The following MPDZ variants were observed in gnomAD, a reference collection of about 807,000 sequenced individuals.
MPDZ encodes multiple PDZ domain crumbs cell polarity complex component.
Under a neutral mutation model 239.1 loss-of-function variants are expected in MPDZ, and 234 were observed. The observed-to-expected ratio is 0.98, with a 90% CI of 0.88 to 1.09. MPDZ has a LOEUF of 1.09. Among genes scored for constraint, MPDZ ranks in the 50% least tolerant of loss-of-function variants. MPDZ has a pLI of 0.00. For missense variants in MPDZ, 3,175 were observed against 2,510.0 expected (o/e 1.26, Z -5.66); for synonymous variants, 1,048 against 881.3 (o/e 1.19, Z -3.35).
Position 13,106,853 on chromosome 9 carries a change from T to C in MPDZ, c.*112A>G, listed in dbSNP as rs1941536653. 8.4e-7 allele frequency: 1 copy of C among 1,193,394 alleles called. No homozygotes were observed. The allele number at this position is 1,193,394 out of a possible 1,614,324, so 73.9% of individuals were successfully genotyped here. Reference sequence around the variant, plus strand: ...AGAAACTTAAGTGTTATTTCCCCCCTACAGTTTTGAAGACCCGGCTGAACA... The same window carrying C: ...AGAAACTTAAGTGTTATTTCCCCCCCACAGTTTTGAAGACCCGGCTGAACA... On this transcript the variant is annotated 3_prime_UTR_variant, in exon 47 of 47. Transcript: ENST00000319217.
chr9:13,124,297 G>C (rs957304497), intron 35 of MPDZ, among the ~76,000 whole-genome samples: 30 of 152,140 alleles, frequency 2.0e-4, no homozygotes, highest in African/African-American at 6.8e-4. Context: ...TAACACTTCA[G>C]TGAATTATCC....
At chr9:13,144,497 C>T (rs1035869312) in intron 26 of MPDZ, among the ~76,000 whole-genome samples, 2 of 151,852 alleles carry the variant, frequency 1.3e-5, no homozygotes, top group African/African-American at 2.4e-5. Context: ...TTGACTATAT[C>T]TTTCAGGGGA....
rs749148531 is a variant in MPDZ, at chr9:13,162,692, T to C, written c.3358A>G (p.Arg1120Gly). Residue 1120 changes from arginine to glycine, a missense_variant and splice_region_variant, in exon 23 of 47, where the codon AGA (arginine) becomes GGA (glycine). Transcript: ENST00000319217. ...TATTAGATTTAATGTTTCACTTACC[T>C]GCCAGTGTATGAAGAAAAAATATCC... ...ALDIFSSYTG[R>G]DIPELPEREE... 2 of 1,596,912 alleles carry C rather than the reference T, an allele frequency of 1.3e-6. No individual in the cohort carries two copies. The highest frequency in any genetic ancestry group is 1.7e-6 in the Non-Finnish European group (2 of 1,166,514).
At chr9:13,197,657 T>C (rs1031956300) in intron 12 of MPDZ, among the ~76,000 whole-genome samples, 2 of 152,038 alleles carry the variant, frequency 1.3e-5, no homozygotes, top group African/African-American at 4.8e-5. Flanking sequence ...CACAATAAGT[T>C]ATTATTGTCA....
At chr9:13,236,272 T>A (rs1465851223) in intron 3 of MPDZ, among the ~76,000 whole-genome samples, 4,205 of 23,054 alleles carry the variant, frequency 0.18, 968 homozygotes, top group Non-Finnish European at 0.3. Context: ...TATATATTTT[T>A]TTTTTTTTTT....
intron 25 of MPDZ, among the ~76,000 whole-genome samples, chr9:13,148,084 T>A (rs950000508): frequency 1.3e-5 from 2 of 152,068 alleles, no homozygotes; most frequent in African/African-American, 4.8e-5. Flanking sequence ...ATGCCTTGTA[T>A]AATTTTCTCT....
chr9:13,167,911 G>A (rs1306188524), intron 22 of MPDZ, among the ~76,000 whole-genome samples: 2 of 152,126 alleles, frequency 1.3e-5, no homozygotes, highest in African/African-American at 4.8e-5. Context: ...GAAACGGTAA[G>A]TTTTGGGTCA....
intron 3 of MPDZ, among the ~76,000 whole-genome samples, chr9:13,242,727 A>C (rs1338188405): frequency 6.6e-6 from 1 of 152,082 alleles, no homozygotes; most frequent in Non-Finnish European, 1.5e-5. Context: ...CCCCTCATAT[A>C]ATCTACTGCT....
intron 46 of MPDZ, among the ~76,000 whole-genome samples, chr9:13,107,326 A>G (rs964704963): frequency 1.3e-5 from 2 of 152,194 alleles, no homozygotes; most frequent in Non-Finnish European, 2.9e-5. Flanking sequence ...CCAATTTGAG[A>G]GAGAATTTAG....
intron 3 of MPDZ, among the ~76,000 whole-genome samples, chr9:13,237,441 C>CAAA (rs71331532): frequency 7.3e-5 from 4 of 54,688 alleles, no homozygotes; most frequent in Non-Finnish European, 1.0e-4. Flanking sequence ...GACACTGTCT[C>CAAA]AAAAAAAAAA....
At chr9:13,191,137 G>A (rs1954859511) in intron 15 of MPDZ, among the ~76,000 whole-genome samples, 2 of 151,958 alleles carry the variant, frequency 1.3e-5, no homozygotes, top group South Asian at 4.1e-4. Context: ...TTGCTTTATT[G>A]TAATAATCCC....
intron 3 of MPDZ, among the ~76,000 whole-genome samples, chr9:13,227,475 G>C (rs1479470640): frequency 6.6e-6 from 1 of 151,986 alleles, no homozygotes; most frequent in African/African-American, 2.4e-5. Context: ...ATTTGTGACA[G>C]CCTGAGGATC....
intron 3 of MPDZ, among the ~76,000 whole-genome samples, chr9:13,228,839 A>G (rs1587962596): frequency 6.6e-6 from 1 of 152,198 alleles, no homozygotes; most frequent in East Asian, 1.9e-4. Flanking sequence ...ATTATATAAT[A>G]AAGTTGTGCA....
rs772730297 is a variant in MPDZ, at chr9:13,140,072, G to T, written c.3918C>A (p.Ala1306=). 1 of 1,613,236 alleles carries T rather than the reference G, an allele frequency of 6.2e-7. No individual in the cohort carries two copies. Among genetic ancestry groups the T allele is most frequent in the African/African-American group, 1.3e-5 (1 of 74,756 alleles). The part of the protein sequence containing the change: ...SVPPPPPSAF[A]EMGSDHTQSS... Reference sequence around the variant, plus strand: ...ACTGTGTGTGATCACTACCCATTTCGGCAAAGGCTGAAGGAGGGGGTGGGG... The same window carrying T: ...ACTGTGTGTGATCACTACCCATTTCTGCAAAGGCTGAAGGAGGGGGTGGGG... Residue 1306 remains alanine (A), a synonymous_variant, in exon 28 of 47, where the codon GCC becomes GCA. Coordinates refer to ENST00000319217, the MANE Select transcript of MPDZ (RefSeq NM_001378778.1).
chr9:13,107,578 C>T (rs1159109794), intron 46 of MPDZ, among the ~76,000 whole-genome samples: 1 of 152,150 alleles, frequency 6.6e-6, no homozygotes, highest in African/African-American at 2.4e-5. Context: ...AGCACAAAGC[C>T]ACCTGAACAT....
chr9:13,273,037 A>C (rs1564179130), intron 1 of MPDZ, among the ~76,000 whole-genome samples: 1 of 152,114 alleles, frequency 6.6e-6, no homozygotes, highest in African/African-American at 2.4e-5. Flanking sequence ...CCCTTATAAA[A>C]TAGGTACCAG....
At chr9:13,235,665 T>C (rs1177051785) in intron 3 of MPDZ, among the ~76,000 whole-genome samples, 3 of 152,326 alleles carry the variant, frequency 2.0e-5, no homozygotes, top group Non-Finnish European at 2.9e-5. Context: ...GATAAGGGTA[T>C]TCAATTTAGA....
At chr9:13,216,683 G>T (rs1564055054) in intron 10 of MPDZ, 91 bp downstream of exon 10, 3 of 917,720 alleles carry the variant, frequency 3.3e-6, no homozygotes, top group South Asian at 3.4e-5. Flanking sequence ...TTAGTACAGA[G>T]TTAACTCTAG....
At chr9:13,197,439 G>A (rs999094327) in intron 12 of MPDZ, among the ~76,000 whole-genome samples, 3 of 151,744 alleles carry the variant, frequency 2.0e-5, no homozygotes, top group African/African-American at 4.8e-5. Context: ...TAACACTATC[G>A]GGTGACTATG....
Sources: gnomAD v4.1 joint callset for allele counts (sites outside exome capture counted in the v4.1 genomes callset) on GRCh38, gnomAD v4.1.1 for gene constraint, MANE v1.5 for transcripts, NCBI Gene and HGNC (gene_info 2026-07-23, HGNC 2026-07-21) for gene names.